CEACAM19: variants seen among roughly 807,000 people sequenced by gnomAD.
The protein encoded by CEACAM19 is CEA cell adhesion molecule 19.
Under a neutral mutation model 37.6 loss-of-function variants are expected in CEACAM19, and 37 were observed. The observed-to-expected ratio is 0.98, with a 90% CI of 0.76 to 1.29. The LOEUF is 1.29. Ranked by LOEUF, CEACAM19 falls within the 50% of genes most tolerant of loss-of-function variation. CEACAM19 has a pLI of 0.00. For missense variants in CEACAM19, 340 were observed against 375.6 expected (o/e 0.91, Z 0.78); for synonymous variants, 140 against 149.8 (o/e 0.93, Z 0.48).
intron 1 of CEACAM19, among the ~76,000 whole-genome samples, chr19:44,672,302 G>A (rs778877187): frequency 3.0e-4 from 45 of 152,222 alleles, no homozygotes; most frequent in Non-Finnish European, 5.3e-4. Flanking sequence ...ATAAGTATTG[G>A]TTGAATAAAT....
At chr19:44,670,799 A>C (rs914801123), upstream of CEACAM19, among the ~76,000 whole-genome samples, 23 of 138,114 alleles carry the variant, frequency 1.7e-4, no homozygotes, top group Non-Finnish European at 2.5e-4. Flanking sequence ...AAAAAAAAAA[A>C]AAAAAAAAAA....
intron 4 of CEACAM19, 141 bp from the exon 5 acceptor site, chr19:44,680,147 C>G: frequency 1.6e-6 from 1 of 629,028 alleles, no homozygotes; most frequent in Non-Finnish European, 2.8e-6. Flanking sequence ...TGGGATAGTT[C>G]AGGCCTCATC....
chr19:44,679,887 G>A (rs1282436060), intron 4 of CEACAM19, among the ~76,000 whole-genome samples: 7 of 149,162 alleles, frequency 4.7e-5, no homozygotes, highest in Non-Finnish European at 7.4e-5. Flanking sequence ...CTGAGATCAC[G>A]CCATTGCACT....
chr19:44,671,596 A>G lies in CEACAM19; in HGVS notation c.-336A>G, dbSNP rs1973855529. ...ACAAACCCAGGGGAATTGTTCAAAC[A>G]GAGGCTGTTATGACTATTGCTACAG... On this transcript the variant is annotated 5_prime_UTR_variant, in exon 1 of 8. Coordinates refer to ENST00000358777, the MANE Select transcript of CEACAM19 (RefSeq NM_001127893.3). 7.1e-6 allele frequency: 3 copies of G among 420,006 alleles called. No individual in the cohort carries two copies. The highest frequency in any genetic ancestry group is 1.3e-5 in the Non-Finnish European group (3 of 237,618). The allele number at this position is 420,006 out of a possible 1,614,324, so 26.0% of individuals were successfully genotyped here.
chr19:44,681,306 A>G lies in CEACAM19; in HGVS notation c.786A>G (p.Pro262=), dbSNP rs771010530. 3.7e-6 allele frequency: 6 copies of G among 1,612,384 alleles called. No individual in the cohort carries two copies. The highest frequency in any genetic ancestry group is 5.1e-6 in the Non-Finnish European group (6 of 1,178,650). The change falls in exon 6 of 8, where the codon CCA becomes CCG. Residue 262 remains proline (P), a synonymous_variant. Transcript: ENST00000358777. ...SPISDTRSIN[P]ARPLPTPPHL... ...TCAGTGACACAAGGTCCATAAACCCAGCCCGGGTGAGTCCCGTCCCCAGCC... is the reference window on the plus strand; with the variant it reads ...TCAGTGACACAAGGTCCATAAACCCGGCCCGGGTGAGTCCCGTCCCCAGCC...
At chr19:44,668,380 TATATA>T (rs1354185206), upstream of CEACAM19, among the ~76,000 whole-genome samples, 7 of 62,114 alleles carry the variant, frequency 1.1e-4, no homozygotes, top group Non-Finnish European at 1.9e-4. Context: ...ATATATTATA[TATATA>T]ATATATTTAT....
chr19:44,667,557 A>C (rs1295652121), upstream of CEACAM19, among the ~76,000 whole-genome samples: 1 of 120,762 alleles, frequency 8.3e-6, no homozygotes, highest in East Asian at 2.1e-4. Context: ...TTTTATATGT[A>C]TATGTAATAT....
At chr19:44,675,170 G>C (rs1237794817) in intron 2 of CEACAM19, among the ~76,000 whole-genome samples, 2 of 149,196 alleles carry the variant, frequency 1.3e-5, no homozygotes, top group Non-Finnish European at 3.0e-5. Flanking sequence ...TAAGAACTAG[G>C]TATTCATATT....
chr19:44,676,698 C>T (rs778574100), intron 3 of CEACAM19, among the ~76,000 whole-genome samples: 2 of 152,208 alleles, frequency 1.3e-5, no homozygotes, highest in Non-Finnish European at 2.9e-5. Flanking sequence ...TCACGACTCA[C>T]TGCAGCCTCA....
upstream of CEACAM19, among the ~76,000 whole-genome samples, chr19:44,670,858 G>C (rs1410576526): frequency 6.7e-6 from 1 of 150,302 alleles, no homozygotes; most frequent in African/African-American, 2.4e-5. Context: ...CACTTTGGGA[G>C]GCCAAGGTGG....
intron 2 of CEACAM19, chr19:44,673,954 G>C (rs554996310): frequency 6.6e-6 from 1 of 152,328 alleles, no homozygotes; most frequent in Non-Finnish European, 1.5e-5. Flanking sequence ...GTATTAAAAG[G>C]TGGGGCTTGG....
At chr19:44,683,235 T>C (rs1025099626) in intron 7 of CEACAM19, 11 of 464,286 alleles carry the variant, frequency 2.4e-5, no homozygotes, top group Non-Finnish European at 4.3e-5. Flanking sequence ...CCTCTTTGTC[T>C]CTGTCACTGT....
At position 44,683,562 on chromosome 19, in the gene CEACAM19, C is replaced by A; in HGVS notation, c.*72C>A. ...TCCTCTGGGAGCCTCACACCTGAGA[C>A]CAGCAGGACAAGGCCATTGGGGGCT... On this transcript the variant is annotated 3_prime_UTR_variant, in exon 8 of 8. Coordinates refer to ENST00000358777, the MANE Select transcript of CEACAM19 (RefSeq NM_001127893.3). 1 of 1,005,310 alleles carries A rather than the reference C, an allele frequency of 9.9e-7. No individual in the cohort carries two copies. The highest frequency in any genetic ancestry group is 1.4e-6 in the Non-Finnish European group (1 of 697,300). The allele number at this position is 1,005,310 out of a possible 1,614,324, so 62.3% of individuals were successfully genotyped here.
At chr19:44,669,001 G>A (rs563347234), upstream of CEACAM19, among the ~76,000 whole-genome samples, 1 of 149,444 alleles carries the variant, frequency 6.7e-6, no homozygotes, top group Non-Finnish European at 1.5e-5. Flanking sequence ...TGCATTTTTA[G>A]TAGAGACAGG....
intron 4 of CEACAM19, among the ~76,000 whole-genome samples, chr19:44,679,878 T>C (rs540368824): frequency 5.2e-4 from 78 of 150,856 alleles, no homozygotes; most frequent in African/African-American, 1.9e-3. Flanking sequence ...TGCAGTGAGC[T>C]GAGATCACGC....
intron 3 of CEACAM19, 80 bp downstream of exon 3, chr19:44,676,501 C>A: frequency 1.5e-6 from 2 of 1,373,302 alleles, no homozygotes; most frequent in Non-Finnish European, 2.1e-6. Context: ...CAAGTCACAT[C>A]ATCCGGCTCA....
At chr19:44,678,989 G>A (rs371306527) in intron 4 of CEACAM19, 53 bp downstream of exon 4, 367 of 1,603,942 alleles carry the variant, frequency 2.3e-4, no homozygotes, top group Non-Finnish European at 3.0e-4. Flanking sequence ...CTATAGCGGT[G>A]TCAAGAGTAC....
At chr19:44,672,079 T>C in intron 1 of CEACAM19, 93 bp downstream of exon 1, 1 of 1,033,398 alleles carries the variant, frequency 9.7e-7, no homozygotes, top group Non-Finnish European at 1.5e-6. Flanking sequence ...AAAGATTACC[T>C]GAGAGGATGA....
At chr19:44,682,676 G>A (rs1295838541) in intron 7 of CEACAM19, 56 bp downstream of exon 7, 11 of 1,524,608 alleles carry the variant, frequency 7.2e-6, no homozygotes, top group African/African-American at 2.8e-5. Flanking sequence ...CAGGAGCCCC[G>A]AAGCCGGGGT....
Sources: allele counts gnomAD v4.1 joint callset (sites outside exome capture counted in the v4.1 genomes callset), GRCh38; gene constraint gnomAD v4.1.1; transcripts MANE v1.5; gene names NCBI Gene and HGNC (gene_info 2026-07-23, HGNC 2026-07-21).